ADAM22: variants seen among roughly 807,000 people sequenced by gnomAD.
The protein encoded by ADAM22 is disintegrin and metalloproteinase domain-containing protein 22.
In ADAM22, 65 loss-of-function variants were observed where a neutral mutation model predicts 144.6. That is an observed-to-expected ratio of 0.45 (90% CI 0.37 to 0.55). ADAM22 has a LOEUF of 0.55. ADAM22 is among the 20% of genes least tolerant of loss of function. The pLI is 0.00. For missense variants in ADAM22, 974 were observed against 1,184.9 expected (o/e 0.82, Z 2.61); for synonymous variants, 391 against 412.6 (o/e 0.95, Z 0.63).
chr7:88,058,212 TC>T (rs547704395), intron 3 of ADAM22, among the ~76,000 whole-genome samples: 117 of 152,290 alleles, frequency 7.7e-4, no homozygotes, highest in African/African-American at 2.7e-3. Flanking sequence ...TGGGAAAAGT[TC>T]TAGAAATAGA....
intron 25 of ADAM22, among the ~76,000 whole-genome samples, chr7:88,169,774 C>A (rs1357434227): frequency 6.6e-6 from 1 of 152,056 alleles, no homozygotes; most frequent in Non-Finnish European, 1.5e-5. Context: ...GGAATCACAC[C>A]ATTTCTCCAA....
chr7:88,098,802 C>G lies in ADAM22; in HGVS notation c.391-9374C>G, dbSNP rs1438564219. Among the ~76,000 whole-genome samples, 8 of 152,112 alleles carry G rather than the reference C, an allele frequency of 5.3e-5. No homozygotes were observed. In the East Asian group the frequency reaches 1.5e-3, roughly 29 times the overall value. On this transcript the variant is annotated intron_variant, in intron 4 of 31. Transcript: ENST00000413139. ...CATGTATCTTTTAAATGAAATTATT[C>G]TTTTTCATCGGCTCGTTTTATTTCC...
At chr7:88,168,284 T>G in intron 25 of ADAM22, 57 bp downstream of exon 25, 1 of 1,519,376 alleles carries the variant, frequency 6.6e-7, no homozygotes, top group South Asian at 1.1e-5. Context: ...ACATTTTGAT[T>G]ACATGAAAAC....
At chr7:88,011,511 G>T (rs988930159) in intron 3 of ADAM22, among the ~76,000 whole-genome samples, 5 of 150,074 alleles carry the variant, frequency 3.3e-5, no homozygotes, top group African/African-American at 4.9e-5. Context: ...CTGCACTCCA[G>T]CCTGGGTGAC....
At chr7:88,038,214 A>G (rs947498249) in intron 3 of ADAM22, among the ~76,000 whole-genome samples, 16 of 152,200 alleles carry the variant, frequency 1.1e-4, no homozygotes, top group Non-Finnish European at 1.6e-4. Context: ...TGAAGTGATA[A>G]GTTTCAGGAA....
intron 3 of ADAM22, among the ~76,000 whole-genome samples, chr7:88,040,086 G>A (rs1802728763): frequency 6.6e-6 from 1 of 151,674 alleles, no homozygotes; most frequent in South Asian, 2.1e-4. Flanking sequence ...CTTTCTCAAA[G>A]GGTCAGGATT....
At chr7:88,135,378 T>A (rs183116703) in intron 13 of ADAM22, among the ~76,000 whole-genome samples, 1 of 151,874 alleles carries the variant, frequency 6.6e-6, no homozygotes, top group Non-Finnish European at 1.5e-5. Context: ...TAGATACTCA[T>A]TTAATTCTCC....
At chr7:88,127,729 C>T (rs914416944) in intron 8 of ADAM22, among the ~76,000 whole-genome samples, 17 of 151,756 alleles carry the variant, frequency 1.1e-4, no homozygotes, top group African/African-American at 4.1e-4. Context: ...ATACCCTTAT[C>T]GCAAAAATGG....
chr7:87,991,666 C>T (rs1463071732), intron 3 of ADAM22, among the ~76,000 whole-genome samples: 2 of 152,188 alleles, frequency 1.3e-5, no homozygotes, highest in Non-Finnish European at 2.9e-5. Context: ...GCGCCCGGCA[C>T]TAGCCTTATT....
At chr7:88,039,484 T>TATATATATATATATATATAC (rs1260358624) in intron 3 of ADAM22, among the ~76,000 whole-genome samples, 1 of 120,448 alleles carries the variant, frequency 8.3e-6, no homozygotes, top group African/African-American at 2.8e-5. Context: ...TATATATATA[T>TATATATATATATATATATAC]ACATTTCATG....
chr7:87,952,627 G>A (rs957553836), intron 2 of ADAM22, among the ~76,000 whole-genome samples: 5 of 151,900 alleles, frequency 3.3e-5, no homozygotes, highest in Admixed American at 2.6e-4. Flanking sequence ...TCTCTGCCTG[G>A]CTTTGGTATC....
At chr7:88,066,521 T>C (rs548555359) in intron 3 of ADAM22, among the ~76,000 whole-genome samples, 19 of 152,100 alleles carry the variant, frequency 1.2e-4, no homozygotes, top group Non-Finnish European at 2.6e-4. Flanking sequence ...AGTATATAGT[T>C]GGATATATGA....
chr7:88,066,043 T>G (rs1175544200), intron 3 of ADAM22, among the ~76,000 whole-genome samples: 1 of 152,170 alleles, frequency 6.6e-6, no homozygotes, highest in Non-Finnish European at 1.5e-5. Context: ...TTTTACTGTT[T>G]TGAAAAATTG....
chr7:88,074,384 T>C (rs761612255), intron 3 of ADAM22, among the ~76,000 whole-genome samples: 5 of 152,214 alleles, frequency 3.3e-5, no homozygotes, highest in Non-Finnish European at 7.3e-5. Flanking sequence ...GTTCATGTCT[T>C]ACTAGCAAAA....
At chr7:88,003,057 TAAA>T (rs1412989667) in intron 3 of ADAM22, among the ~76,000 whole-genome samples, 1 of 152,146 alleles carries the variant, frequency 6.6e-6, no homozygotes, top group African/African-American at 2.4e-5. Flanking sequence ...GGGATCAGAA[TAAA>T]AAGAGTTGAA....
intron 4 of ADAM22, among the ~76,000 whole-genome samples, chr7:88,097,695 G>A (rs1821793235): frequency 6.7e-6 from 1 of 150,308 alleles, no homozygotes; most frequent in African/African-American, 2.4e-5. Flanking sequence ...CTGTATTTTA[G>A]GAATGCACAA....
At chr7:88,119,053 A>G (rs1828567963) in intron 7 of ADAM22, among the ~76,000 whole-genome samples, 1 of 152,238 alleles carries the variant, frequency 6.6e-6, no homozygotes, top group Admixed American at 6.5e-5. Context: ...AGCGATAGAC[A>G]TAGGATCAGC....
At chr7:88,140,401 A>G (rs554129528) in intron 14 of ADAM22, among the ~76,000 whole-genome samples, 75 of 152,262 alleles carry the variant, frequency 4.9e-4, no homozygotes, top group Non-Finnish European at 8.1e-4. Context: ...CTGAAAAACA[A>G]TTCATAACAT....
chr7:88,181,698 C>G (rs1386595238), intron 28 of ADAM22, 93 bp downstream of exon 28: 7 of 1,095,238 alleles, frequency 6.4e-6, no homozygotes, highest in Admixed American at 2.3e-5. Context: ...CTTTGAAGCT[C>G]TTTAGCTCTT....
Sources: allele counts gnomAD v4.1 joint callset (sites outside exome capture counted in the v4.1 genomes callset), GRCh38; gene constraint gnomAD v4.1.1; transcripts MANE v1.5; gene names NCBI Gene and HGNC (gene_info 2026-07-23, HGNC 2026-07-21).